The following NR5A1 variants were observed in gnomAD, a reference collection of about 807,000 sequenced individuals.
NR5A1 encodes nuclear receptor subfamily 5 group A member 1.
A neutral mutation model predicts 42.7 loss-of-function variants in NR5A1; 6 were observed. That is an observed-to-expected ratio of 0.14 (90% confidence interval 0.08 to 0.28). NR5A1 has a LOEUF of 0.28. Ranked by LOEUF, NR5A1 falls within the 10% of genes least tolerant of loss-of-function variation. NR5A1 has a pLI of 1.00. For missense variants in NR5A1, 442 were observed against 626.4 expected, an observed-to-expected ratio of 0.71 and a Z score of 3.14; for synonymous variants, 274 against 277.5, an observed-to-expected ratio of 0.99 and a Z score of 0.12.
chr9:124,495,909 C>G (rs570759378), intron 4 of NR5A1, among the ~76,000 whole-genome samples: 1 of 152,332 alleles, frequency 6.6e-6, no homozygotes, highest in East Asian at 1.9e-4. Context: ...GCCCTGCATT[C>G]GAGCCCCCAT....
intron 6 of NR5A1, among the ~76,000 whole-genome samples, chr9:124,488,982 A>T (rs1386480896): frequency 1.3e-5 from 2 of 152,274 alleles, no homozygotes; most frequent in African/African-American, 4.8e-5. Context: ...GCTGATGACC[A>T]GCATGACATG....
chr9:124,487,012 C>T (rs1359206202), intron 6 of NR5A1, among the ~76,000 whole-genome samples: 1 of 152,208 alleles, frequency 6.6e-6, no homozygotes, highest in African/African-American at 2.4e-5. Context: ...AGCTCTGGGC[C>T]CTGGGCGCCC....
chr9:124,492,305 C>T (rs1485974217), intron 5 of NR5A1, among the ~76,000 whole-genome samples: 1 of 151,452 alleles, frequency 6.6e-6, no homozygotes, highest in African/African-American at 2.4e-5. Context: ...TGGCTGTGCC[C>T]CCGTGTCCCC....
intron 4 of NR5A1, among the ~76,000 whole-genome samples, chr9:124,495,624 C>T (rs374960606): frequency 3.9e-5 from 6 of 152,162 alleles, no homozygotes; most frequent in South Asian, 2.1e-4. Context: ...CTTGTCCCCC[C>T]GCCCCTCGCA....
rs1110062 is a variant in NR5A1, at chr9:124,500,585, C to A, written c.375G>T (p.Pro125=). 1.6e-5 allele frequency: 26 copies of A among 1,611,870 alleles called. No individual in the cohort carries two copies. Among genetic ancestry groups the A allele is most frequent in the Non-Finnish European group, 2.1e-5 (25 of 1,179,864 alleles). ...GAGGGGGCGGCGGGGGCACCCCCATCGGGGGCCCTGTCTCCAGCTTGAAGC... is the reference window on the plus strand; with the variant it reads ...GAGGGGGCGGCGGGGGCACCCCCATAGGGGGCCCTGTCTCCAGCTTGAAGC... ...ANGFKLETGP[P]MGVPPPPPPA... is the part of the protein sequence containing the mutation. The change falls in exon 4 of 7, where the codon CCG becomes CCT. Residue 125 remains proline (P), a synonymous_variant. Transcript: ENST00000373588. The surrounding 1 kb of genome is among the most constrained non-coding windows in gnomAD (Gnocchi z 6.9).
chr9:124,484,484 T>C (rs7855380), intron 6 of NR5A1, among the ~76,000 whole-genome samples: 75,495 of 151,824 alleles, frequency 0.5, 19,002 homozygotes, highest in African/African-American at 0.52. Context: ...GGCGTAGTGG[T>C]TCACACCTGT....
intron 6 of NR5A1, among the ~76,000 whole-genome samples, chr9:124,487,126 C>A (rs980417619): frequency 6.6e-6 from 1 of 152,220 alleles, no homozygotes; most frequent in African/African-American, 2.4e-5. Flanking sequence ...GGAGATGGAG[C>A]CCCCACCTCG....
In NR5A1 at chr9:124,500,894, G is replaced by T; in HGVS notation, c.245-179C>A. ...TGCCTGGCATTCAAGGCCCTGCTCAGCTTTTCAGGCAATCCCTGCTAAGAC... is the reference window on the plus strand; with the variant it reads ...TGCCTGGCATTCAAGGCCCTGCTCATCTTTTCAGGCAATCCCTGCTAAGAC... On this transcript the variant is annotated intron_variant, in intron 3 of 6. Coordinates refer to ENST00000373588, the MANE Select transcript of NR5A1 (RefSeq NM_004959.5). This position sits in a 1 kb window ranked among gnomAD's most constrained non-coding sequence, Gnocchi z 6.9. The T allele has an allele frequency of 1.0e-6, 1 of 959,890 alleles. No individual in the cohort carries two copies. Among genetic ancestry groups the T allele is most frequent in the Non-Finnish European group, 1.6e-6 (1 of 607,054 alleles). 59.5% of individuals were successfully genotyped at this position (959,890 alleles called of 1,614,324 possible). A position where few individuals can be genotyped will look rare whatever the true frequency, so the allele number is the denominator to read the frequency against.
rs528702151 is a variant in NR5A1, at chr9:124,488,185, C to T, written c.1138+2896G>A. Among the ~76,000 whole-genome samples the T allele has an allele frequency of 2.6e-5, 4 of 152,108 alleles. No homozygotes were observed. In the South Asian group the frequency reaches 8.3e-4, roughly 32 times the overall value. On this transcript the variant is annotated intron_variant, in intron 6 of 6. Coordinates refer to ENST00000373588, the MANE Select transcript of NR5A1 (RefSeq NM_004959.5). ...ATGCTCCTATTCATACTGCTAGGCC[C>T]AGCTCAGAGCCCCCACCCCCCGGAA... is the stretch of plus-strand genomic sequence containing the variant.
rs185513776 is a variant in NR5A1 at position 124,498,538 on chromosome 9, C to T, written c.870+1552G>A. 3.3e-5 allele frequency among the ~76,000 whole-genome samples: 5 copies of T among 152,214 alleles called. No homozygotes were observed. The highest frequency in any genetic ancestry group is 9.7e-5 in the African/African-American group (4 of 41,440). On this transcript the variant is annotated intron_variant, in intron 4 of 6. Coordinates refer to ENST00000373588, the MANE Select transcript of NR5A1 (RefSeq NM_004959.5). The surrounding 1 kb of genome is among the most constrained non-coding windows in gnomAD (Gnocchi z 4.6). ...CCCTCAATCCAGGGTTCTGGAAGGC[C>T]GGGAATGCCCTGCTCCTCCTCCCCT...
chr9:124,505,071 A>C (rs112941035), intron 1 of NR5A1, among the ~76,000 whole-genome samples: 6 of 151,648 alleles, frequency 4.0e-5, no homozygotes, highest in Non-Finnish European at 8.8e-5. Flanking sequence ...CCTCCCCCCA[A>C]GCCCGGCCCG....
rs185418718 is a variant in NR5A1 at position 124,486,215 on chromosome 9, G to C, written c.1139-3210C>G. On this transcript the variant is annotated intron_variant, in intron 6 of 6. Transcript: ENST00000373588. ...TTGGAAACCCCCGACTGCCCCCAGAGGTCAGCCACAGGGCCGGGGGAGGGA... is the reference window on the plus strand; with the variant it reads ...TTGGAAACCCCCGACTGCCCCCAGACGTCAGCCACAGGGCCGGGGGAGGGA... Among the ~76,000 whole-genome samples the C allele has an allele frequency of 3.3e-3, 504 of 152,274 alleles. 2 individuals carry two copies. The highest frequency in any genetic ancestry group is 0.012 in the African/African-American group (481 of 41,548).
intron 6 of NR5A1, among the ~76,000 whole-genome samples, chr9:124,484,491 C>G (rs1050561337): frequency 6.6e-6 from 1 of 152,196 alleles, no homozygotes; most frequent in Non-Finnish European, 1.5e-5. Flanking sequence ...TGGTTCACAC[C>G]TGTCATCCTA....
chr9:124,484,520 G>A (rs886429786), intron 6 of NR5A1, among the ~76,000 whole-genome samples: 14 of 152,194 alleles, frequency 9.2e-5, no homozygotes, highest in African/African-American at 3.4e-4. Context: ...GGAGGCCAAG[G>A]TAGGTGGGTC....
intron 6 of NR5A1, among the ~76,000 whole-genome samples, chr9:124,485,878 C>T (rs1832200290): frequency 1.3e-5 from 2 of 152,198 alleles, no homozygotes; most frequent in African/African-American, 4.8e-5. Flanking sequence ...GAGCAAGTCT[C>T]CTGACATTCT....
At chr9:124,505,426 C>G (rs958480902) in intron 1 of NR5A1, among the ~76,000 whole-genome samples, 1 of 152,310 alleles carries the variant, frequency 6.6e-6, no homozygotes, top group African/African-American at 2.4e-5. Flanking sequence ...TCTCCTCACT[C>G]GAGCCTGTAG....
At chr9:124,484,707 T>C (rs1411503067) in intron 6 of NR5A1, among the ~76,000 whole-genome samples, 1 of 151,948 alleles carries the variant, frequency 6.6e-6, no homozygotes, top group Non-Finnish European at 1.5e-5. Flanking sequence ...TGAGCCGAGA[T>C]TGCACCACTG....
rs749001710 is a variant in NR5A1 at position 124,500,848 on chromosome 9, A to G, written c.245-133T>C. 50 of 1,395,330 alleles carry G rather than the reference A, an allele frequency of 3.6e-5. No homozygotes were observed. The highest frequency in any genetic ancestry group is 5.0e-5 in the Non-Finnish European group (50 of 995,680). 86.4% of individuals were successfully genotyped at this position (1,395,330 alleles called of 1,614,324 possible). A position where few individuals can be genotyped will look rare whatever the true frequency, so the allele number is the denominator to read the frequency against. The stretch of plus-strand genomic sequence containing the variant: ...CACCCTTTCATGGCTCCCACTGACC[A>G]CAGGGGAAGTCAGTCTCCTTTGCCT... On this transcript the variant is annotated intron_variant, in intron 3 of 6. Coordinates refer to ENST00000373588, the MANE Select transcript of NR5A1 (RefSeq NM_004959.5). This position sits in a 1 kb window ranked among gnomAD's most constrained non-coding sequence, Gnocchi z 6.9.
chr9:124,503,465 C>A lies in NR5A1; in HGVS notation c.-15-55G>T, dbSNP rs1024727701. On this transcript the variant is annotated intron_variant, in intron 1 of 6. Transcript: ENST00000373588. The surrounding 1 kb of genome is among the most constrained non-coding windows in gnomAD (Gnocchi z 9.6). The stretch of plus-strand genomic sequence containing the variant: ...CGGCGGAGACCGGCAGCCTGGGGTC[C>A]CCGCGGCCGCCGCCCCAGCCGCTGT... 5 of 1,432,378 alleles carry A rather than the reference C, an allele frequency of 3.5e-6. No individual in the cohort carries two copies. The East Asian group carries it at 1.0e-4, about 29-fold the overall frequency. The allele number at this position is 1,432,378 out of a possible 1,614,324, so 88.7% of individuals were successfully genotyped here. A position where few individuals can be genotyped will look rare whatever the true frequency, so the allele number is the denominator to read the frequency against.
Sources: gnomAD v4.1 joint callset for allele counts (sites outside exome capture counted in the v4.1 genomes callset) on GRCh38, gnomAD v4.1.1 for gene constraint, Gnocchi (gnomAD v3.1) non-coding constraint, MANE v1.5 for transcripts, NCBI Gene and HGNC (gene_info 2026-07-23, HGNC 2026-07-21) for gene names.